CEP57L1: variants seen among roughly 807,000 people sequenced by gnomAD.
CEP57L1 encodes centrosomal protein CEP57L1.
In CEP57L1, 37 loss-of-function variants were observed where a neutral mutation model predicts 61.0. That is an observed-to-expected ratio of 0.61 (90% CI 0.47 to 0.80). The LOEUF is 0.80. Ranked by LOEUF, CEP57L1 falls within the 30% of genes least tolerant of loss-of-function variation. CEP57L1 has a pLI of 0.00. For missense variants in CEP57L1, 422 were observed against 524.7 expected (o/e 0.80, Z 1.91); for synonymous variants, 137 against 162.3 (o/e 0.84, Z 1.19).
chr6:109,100,979 C>T lies in CEP57L1; in HGVS notation c.-4+5404C>T, dbSNP rs1417942202. On this transcript the variant is annotated intron_variant, in intron 1 of 10. Coordinates refer to ENST00000517392, the MANE Select transcript of CEP57L1 (RefSeq NM_001271852.3). ...AAAATTAGCCAGGCATCATGGCACA[C>T]GCCTCTAGTCCCAACTACTCAGGAG... Among the ~76,000 whole-genome samples the T allele has an allele frequency of 3.9e-5, 6 of 152,182 alleles. No individual in the cohort carries two copies. In the South Asian group the frequency reaches 8.3e-4, roughly 21 times the overall value.
intron 10 of CEP57L1, among the ~76,000 whole-genome samples, chr6:109,161,012 A>G (rs1202201459): frequency 6.6e-6 from 1 of 152,182 alleles, no homozygotes; most frequent in Non-Finnish European, 1.5e-5. Flanking sequence ...GCAGCCCTCC[A>G]GTTACCCTTT....
Position 109,173,631 on chromosome 6 carries a change from G to A in CEP57L1, c.*10661G>A, listed in dbSNP as rs970988530. On this transcript the variant is annotated 3_prime_UTR_variant, in exon 11 of 11. Coordinates refer to ENST00000517392, the MANE Select transcript of CEP57L1 (RefSeq NM_001271852.3). ...AAATTTTTTTTTTTGAGGAGACGCG[G>A]TCTCACTTTGCTGCCCAGGCTGGTC... Among the ~76,000 whole-genome samples, 13 of 150,462 alleles carry A rather than the reference G, an allele frequency of 8.6e-5. No individual in the cohort carries two copies. Among genetic ancestry groups the A allele is most frequent in the Non-Finnish European group, 1.3e-4 (9 of 67,672 alleles).
chr6:109,115,322 A>T (rs191267358), intron 1 of CEP57L1, among the ~76,000 whole-genome samples: 3 of 152,144 alleles, frequency 2.0e-5, no homozygotes, highest in African/African-American at 7.2e-5. Flanking sequence ...TGTTGTTCTC[A>T]GTTGTAGTCT....
At position 109,115,808 on chromosome 6, in the gene CEP57L1, G is replaced by C. The variant is rs183190282; in HGVS notation, c.-4+20233G>C. Among the ~76,000 whole-genome samples, 31 of 152,268 alleles carry C rather than the reference G, an allele frequency of 2.0e-4. No homozygotes were observed. In the East Asian group the frequency reaches 5.4e-3, roughly 26 times the overall value. ...TTTCCTAATGTGTTAAAAAGTGACTGTAGTAATAGTAATAGCATTCTTTAA... is the reference window on the plus strand; with the variant it reads ...TTTCCTAATGTGTTAAAAAGTGACTCTAGTAATAGTAATAGCATTCTTTAA... On this transcript the variant is annotated intron_variant, in intron 1 of 10. Coordinates refer to ENST00000517392, the MANE Select transcript of CEP57L1 (RefSeq NM_001271852.3).
At chr6:109,124,899 G>T (rs1167096172) in intron 1 of CEP57L1, 4 of 152,088 alleles carry the variant, frequency 2.6e-5, no homozygotes, top group Non-Finnish European at 5.9e-5. Flanking sequence ...TTAAGTTGTG[G>T]ATGTTTCAGG....
At chr6:109,108,859 C>T (rs1281965546) in intron 1 of CEP57L1, among the ~76,000 whole-genome samples, 1 of 152,196 alleles carries the variant, frequency 6.6e-6, no homozygotes, top group Non-Finnish European at 1.5e-5. Context: ...TATCATGATT[C>T]TGTTAAGTAC....
intron 9 of CEP57L1, 51 bp from the exon 10 acceptor site, chr6:109,160,519 GAA>G (rs1414022995): frequency 7.2e-7 from 1 of 1,383,404 alleles, no homozygotes; most frequent in Non-Finnish European, 9.8e-7. Context: ...TTATGGCAAA[GAA>G]ATATATGCAA....
intron 1 of CEP57L1, among the ~76,000 whole-genome samples, chr6:109,136,177 A>G (rs1770652631): frequency 1.3e-5 from 2 of 152,246 alleles, no homozygotes; most frequent in African/African-American, 4.8e-5. Context: ...AATGTCCCTC[A>G]GTGATAGACT....
chr6:109,159,413 T>A lies in CEP57L1; in HGVS notation c.967T>A (p.Leu323Ile). 1 of 1,613,898 alleles carries A rather than the reference T, an allele frequency of 6.2e-7. No individual in the cohort carries two copies. ...SEKSISICDNLSELLMAMQDE... is the reference protein window; with the variant it reads ...SEKSISICDNISELLMAMQDE... ...AAAGTCCATTTCCATTTGTGACAAT[T>A]TATCTGAACTTTTGATGGCAATGCA... The change falls in exon 9 of 11, where the codon TTA becomes ATA. Residue 323 changes from leucine (L) to isoleucine (I), a missense_variant. Physicochemically the swap from Leu to Ile is conservative, Grantham distance 5. Transcript: ENST00000517392.
intron 1 of CEP57L1, among the ~76,000 whole-genome samples, chr6:109,135,437 G>A (rs1477027129): frequency 6.6e-6 from 1 of 152,164 alleles, no homozygotes; most frequent in Non-Finnish European, 1.5e-5. Context: ...AGACTTAAAT[G>A]TTAGACCTAA....
At chr6:109,141,468 C>A (rs377169206) in intron 1 of CEP57L1, among the ~76,000 whole-genome samples, 2 of 152,086 alleles carry the variant, frequency 1.3e-5, no homozygotes, top group Admixed American at 6.6e-5. Flanking sequence ...CCACCTCTCC[C>A]TCCCAAAGTG....
chr6:109,122,960 T>C (rs1023192563), intron 1 of CEP57L1, among the ~76,000 whole-genome samples: 3 of 152,138 alleles, frequency 2.0e-5, no homozygotes, highest in African/African-American at 7.2e-5. Flanking sequence ...CTTCAAACTT[T>C]AATTTATATA....
chr6:109,140,699 T>C (rs1294491978), intron 1 of CEP57L1: 1 of 151,866 alleles, frequency 6.6e-6, no homozygotes, highest in Non-Finnish European at 1.5e-5. Context: ...CCCGGCCTTA[T>C]ATGTTGTATT....
At chr6:109,112,426 T>C (rs1400048021) in intron 1 of CEP57L1, among the ~76,000 whole-genome samples, 1 of 151,754 alleles carries the variant, frequency 6.6e-6, no homozygotes, top group Middle Eastern at 3.2e-3. Context: ...TCTCCTTTAT[T>C]CGTGTATCTA....
chr6:109,145,204 CT>C lies in CEP57L1; in HGVS notation c.-3-12del, dbSNP rs1771825314. The C allele has an allele frequency of 6.7e-7, 1 of 1,500,988 alleles. No homozygotes were observed. Among genetic ancestry groups the C allele is most frequent in the African/African-American group, 1.4e-5 (1 of 71,572 alleles). The allele number at this position is 1,500,988 out of a possible 1,614,324, so 93.0% of individuals were successfully genotyped here. A position where few individuals can be genotyped will look rare whatever the true frequency, so the allele number is the denominator to read the frequency against. ...AGGAAAGCATGATACTATATCATTCCTTTATTCTCTACAGATAATGGATTCT... is the reference window on the plus strand; with the variant it reads ...AGGAAAGCATGATACTATATCATTCCTTATTCTCTACAGATAATGGATTCT... On this transcript the variant is annotated splice_polypyrimidine_tract_variant and intron_variant, in intron 1 of 10. Transcript: ENST00000517392.
intron 10 of CEP57L1, among the ~76,000 whole-genome samples, chr6:109,161,630 C>A (rs902227284): frequency 1.1e-4 from 16 of 151,962 alleles, no homozygotes; most frequent in African/African-American, 3.9e-4. Context: ...ATTTTACTGG[C>A]TTTTAAGGCT....
At chr6:109,104,040 GT>G (rs776076258) in intron 1 of CEP57L1, among the ~76,000 whole-genome samples, 1,802 of 131,154 alleles carry the variant, frequency 0.014, 33 homozygotes, top group African/African-American at 0.045. Flanking sequence ...TTTAGTTTTT[GT>G]TTTTTTTTTT....
At chr6:109,102,990 A>G (rs1217021609) in intron 1 of CEP57L1, among the ~76,000 whole-genome samples, 1 of 152,190 alleles carries the variant, frequency 6.6e-6, no homozygotes, top group African/African-American at 2.4e-5. Flanking sequence ...ACTTTCTACA[A>G]TTAAGAATAT....
intron 1 of CEP57L1, among the ~76,000 whole-genome samples, chr6:109,131,246 TC>T (rs1234405980): frequency 1.3e-5 from 2 of 152,186 alleles, no homozygotes; most frequent in East Asian, 3.9e-4. Context: ...ACTATAGTAT[TC>T]CTATAAAGTC....
Sources: allele counts gnomAD v4.1 joint callset (sites outside exome capture counted in the v4.1 genomes callset), GRCh38; gene constraint gnomAD v4.1.1; transcripts MANE v1.5; gene names NCBI Gene and HGNC (gene_info 2026-07-23, HGNC 2026-07-21).